GABRB3: variants seen among roughly 807,000 people sequenced by gnomAD.
The protein encoded by GABRB3 is gamma-aminobutyric acid type A receptor subunit beta3, also known as gamma-aminobutyric acid receptor subunit beta-3.
Under a neutral mutation model 52.1 loss-of-function variants are expected in GABRB3, and 14 were observed. The observed-to-expected ratio is 0.27, with a 90% CI of 0.18 to 0.42. The LOEUF (loss-of-function observed/expected upper bound fraction) is 0.42, where lower values mean the gene tolerates loss of function less well. Ranked by LOEUF, GABRB3 falls within the 10% of genes least tolerant of loss-of-function variation. The pLI is 1.00. For synonymous variants in GABRB3, 260 were observed against 232.3 expected (o/e 1.12, Z -1.08); for missense variants, 307 against 609.1 (o/e 0.50, Z 5.22).
rs113689945 is a variant in GABRB3 at position 26,772,996 on chromosome 15, G to T, written c.-34C>A. ...CGCGCCCCGGCACGGGGGAGGGGGC[G>T]CCCCGCCGCCGTCGCGACCCGCAGC... On this transcript the variant is annotated 5_prime_UTR_variant, in exon 1 of 9. Coordinates refer to ENST00000311550, the MANE Select transcript of GABRB3 (RefSeq NM_000814.6). The T allele has an allele frequency of 2.2e-6, 3 of 1,334,930 alleles. No individual in the cohort carries two copies. Among genetic ancestry groups the T allele is most frequent in the Admixed American group, 5.5e-5 (2 of 36,330 alleles). 82.7% of individuals were successfully genotyped at this position (1,334,930 alleles called of 1,614,324 possible).
At chr15:26,551,040 C>T (rs1219943994) in intron 8 of GABRB3, among the ~76,000 whole-genome samples, 2 of 152,174 alleles carry the variant, frequency 1.3e-5, no homozygotes, top group African/African-American at 2.4e-5. Context: ...ACACCGTTCC[C>T]AGCACATACT....
chr15:26,691,396 A>T (rs1397521106), intron 3 of GABRB3, among the ~76,000 whole-genome samples: 1 of 152,196 alleles, frequency 6.6e-6, no homozygotes, highest in Non-Finnish European at 1.5e-5. Flanking sequence ...GGGACTTCAC[A>T]TGGGTGAATC....
intron 3 of GABRB3, among the ~76,000 whole-genome samples, chr15:26,714,146 C>T (rs1889393342): frequency 6.6e-6 from 1 of 152,210 alleles, no homozygotes; most frequent in South Asian, 2.1e-4. Flanking sequence ...TACGACAAAT[C>T]ACCTATTTTC....
At chr15:26,681,484 A>G (rs1385583951) in intron 3 of GABRB3, among the ~76,000 whole-genome samples, 1 of 152,220 alleles carries the variant, frequency 6.6e-6, no homozygotes, top group Non-Finnish European at 1.5e-5. Context: ...CAGAGCACCC[A>G]GGAAAAGTCC....
chr15:26,765,029 C>A (rs549362271), intron 3 of GABRB3, among the ~76,000 whole-genome samples: 123 of 148,244 alleles, frequency 8.3e-4, no homozygotes, highest in African/African-American at 3.0e-3. Context: ...ACTTGGGAGG[C>A]TGAGGCAGGA....
chr15:26,585,872 C>A (rs1767154048), intron 4 of GABRB3, among the ~76,000 whole-genome samples: 1 of 152,186 alleles, frequency 6.6e-6, no homozygotes, highest in Non-Finnish European at 1.5e-5. Context: ...AGATTGACAA[C>A]CCAATAACCA....
At chr15:26,560,022 AAATTGATAATTTTAC>A (rs1375756795) in intron 8 of GABRB3, among the ~76,000 whole-genome samples, 1 of 152,204 alleles carries the variant, frequency 6.6e-6, no homozygotes, top group Non-Finnish European at 1.5e-5. Context: ...CTGGATCATC[AAATTGATAATTTTAC>A]AACTAAAGGA....
chr15:26,691,409 A>C (rs1239869733), intron 3 of GABRB3, among the ~76,000 whole-genome samples: 1 of 152,200 alleles, frequency 6.6e-6, no homozygotes, highest in African/African-American at 2.4e-5. Context: ...GGTGAATCCC[A>C]AAAAGGCCAC....
rs1890637461 is a variant in GABRB3 at position 26,755,524 on chromosome 15, CT to C, written c.240+16877del. 4.6e-5 allele frequency among the ~76,000 whole-genome samples: 7 copies of C among 152,080 alleles called. 1 individual carries two copies. In the Middle Eastern group the frequency reaches 0.017, roughly 369 times the overall value. On this transcript the variant is annotated intron_variant, in intron 3 of 8. Coordinates refer to ENST00000311550, the MANE Select transcript of GABRB3 (RefSeq NM_000814.6). ...AAATGAAAGTATATGCTATTTTTTACTATTATATGAGATGATGTTGGAATAA... is the reference window on the plus strand; with the variant it reads ...AAATGAAAGTATATGCTATTTTTTACATTATATGAGATGATGTTGGAATAA...
At chr15:26,606,564 T>C (rs547384890) in intron 4 of GABRB3, among the ~76,000 whole-genome samples, 92 of 152,218 alleles carry the variant, frequency 6.0e-4, no homozygotes, top group Admixed American at 3.7e-3. Context: ...TGGTAAAATG[T>C]TGAAACCTTT....
rs117295913 is a variant in GABRB3, at chr15:26,638,929, C to T, written c.241-17395G>A. Reference sequence around the variant, plus strand: ...GCCGGGAACTAGGAAGAGTCTGTTCCGGTGAGGTGCAAGAACACAGTCTTC... The same window carrying T: ...GCCGGGAACTAGGAAGAGTCTGTTCTGGTGAGGTGCAAGAACACAGTCTTC... On this transcript the variant is annotated intron_variant, in intron 3 of 8. Coordinates refer to ENST00000311550, the MANE Select transcript of GABRB3 (RefSeq NM_000814.6). Among the ~76,000 whole-genome samples, 293 of 152,240 alleles carry T rather than the reference C, an allele frequency of 1.9e-3. 7 individuals carry two copies. In the East Asian group the frequency reaches 0.034, roughly 18 times the overall value.
intron 3 of GABRB3, among the ~76,000 whole-genome samples, chr15:26,700,923 C>T (rs28895982): frequency 0.023 from 3,519 of 152,034 alleles, 134 homozygotes; most frequent in African/African-American, 0.079. Flanking sequence ...GGCGTGGTGG[C>T]GGGTGCCTGT....
chr15:26,685,218 A>G (rs1041677850), intron 3 of GABRB3, among the ~76,000 whole-genome samples: 40 of 152,058 alleles, frequency 2.6e-4, no homozygotes, highest in African/African-American at 9.2e-4. Flanking sequence ...AGCATTCACA[A>G]CCCTCTCAGA....
intron 3 of GABRB3, among the ~76,000 whole-genome samples, chr15:26,771,413 G>A (rs1007369846): frequency 6.6e-6 from 1 of 152,122 alleles, no homozygotes; most frequent in African/African-American, 2.4e-5. Flanking sequence ...CCTACAGAGT[G>A]GATCTAAAAC....
intron 3 of GABRB3, among the ~76,000 whole-genome samples, chr15:26,685,032 A>G (rs1888359254): frequency 6.6e-6 from 1 of 152,224 alleles, no homozygotes; most frequent in African/African-American, 2.4e-5. Flanking sequence ...GCAAAGTGTG[A>G]TAAAGTTAGA....
intron 3 of GABRB3, 178 bp downstream of exon 3, chr15:26,772,224 G>A (rs775510229): frequency 3.5e-5 from 18 of 519,618 alleles, no homozygotes; most frequent in Non-Finnish European, 5.3e-5. Context: ...CCGAGCGCCC[G>A]GGGCGGGTGC....
chr15:26,566,610 C>T (rs1426858990), intron 7 of GABRB3, among the ~76,000 whole-genome samples: 2 of 151,980 alleles, frequency 1.3e-5, no homozygotes, highest in Admixed American at 6.6e-5. Flanking sequence ...CCTGTTGTCC[C>T]CACTGTCCAG....
At chr15:26,642,577 T>C (rs1323957646) in intron 3 of GABRB3, 7 of 1,077,834 alleles carry the variant, frequency 6.5e-6, no homozygotes, top group Non-Finnish European at 8.8e-6. Context: ...ACTGTTCTCA[T>C]GCTAAAAATA....
chr15:26,607,946 C>A (rs1334528564), intron 4 of GABRB3, among the ~76,000 whole-genome samples: 1 of 151,562 alleles, frequency 6.6e-6, no homozygotes, highest in African/African-American at 2.4e-5. Flanking sequence ...TGTAGTTTTC[C>A]ATAGAAACAA....
Sources: allele counts gnomAD v4.1 joint callset (sites outside exome capture counted in the v4.1 genomes callset), GRCh38; gene constraint gnomAD v4.1.1; transcripts MANE v1.5; gene names NCBI Gene and HGNC (gene_info 2026-07-23, HGNC 2026-07-21).